The following MEGF11 variants were observed in gnomAD, a reference collection of about 807,000 sequenced individuals.
MEGF11 encodes multiple EGF like domains 11.
Under a neutral mutation model 146.6 loss-of-function variants are expected in MEGF11, and 126 were observed. That is an observed-to-expected ratio of 0.86 (90% CI 0.74 to 1.00). The LOEUF is 1.00. Among genes scored for constraint, MEGF11 ranks in the 50% least tolerant of loss-of-function variants. The probability of loss-of-function intolerance (pLI) is 0.00; values close to 1 mark genes in which losing one functional copy is unlikely to be tolerated. For synonymous variants in MEGF11, 532 were observed against 583.4 expected (o/e 0.91, Z 1.27); for missense variants, 1,509 against 1,521.2 (o/e 0.99, Z 0.13).
intron 1 of MEGF11, among the ~76,000 whole-genome samples, chr15:66,144,063 G>C (rs74021648): frequency 0.034 from 5,187 of 152,196 alleles, 303 homozygotes; most frequent in African/African-American, 0.11. Context: ...ATATAGGGAG[G>C]GGGAGACACT....
intron 12 of MEGF11, among the ~76,000 whole-genome samples, chr15:65,928,868 G>A (rs965941792): frequency 1.3e-5 from 2 of 152,176 alleles, no homozygotes; most frequent in African/African-American, 4.8e-5. Flanking sequence ...AACTAAAACT[G>A]TAAATGAAAG....
intron 10 of MEGF11, among the ~76,000 whole-genome samples, chr15:65,943,559 C>G (rs2080082897): frequency 1.3e-5 from 2 of 152,136 alleles, no homozygotes; most frequent in Non-Finnish European, 2.9e-5. Flanking sequence ...TACATGTGCT[C>G]TGCATGTATG....
In MEGF11 at chr15:65,916,868, G is replaced by A; in HGVS notation, c.2175C>T (p.Cys725=). ...GASCSAEDGA[C]HCTPGWTGLF... Reference sequence around the variant, plus strand: ...GTCCAGTCCAGCCAGGGGTGCAGTGGCAGGCCCCGTCCTCGGCGCTGCAGC... The same window carrying A: ...GTCCAGTCCAGCCAGGGGTGCAGTGACAGGCCCCGTCCTCGGCGCTGCAGC... Residue 725 remains cysteine (C), a synonymous_variant, in exon 17 of 26, where the codon TGC becomes TGT. Transcript: ENST00000395614. The A allele has an allele frequency of 6.3e-7, 1 of 1,596,598 alleles. No homozygotes were observed. The highest frequency in any genetic ancestry group is 2.3e-5 in the East Asian group (1 of 44,030).
intron 21 of MEGF11, among the ~76,000 whole-genome samples, chr15:65,910,424 C>T (rs1029142912): frequency 6.6e-6 from 1 of 152,178 alleles, no homozygotes; most frequent in Non-Finnish European, 1.5e-5. Flanking sequence ...CTCATGAACA[C>T]ACACGAGTCA....
intron 1 of MEGF11, among the ~76,000 whole-genome samples, chr15:66,162,873 T>C (rs950203386): frequency 1.3e-5 from 2 of 152,204 alleles, no homozygotes; most frequent in Admixed American, 6.5e-5. Context: ...AGAAATCTAA[T>C]TGAATTACTT....
At chr15:66,042,085 C>G (rs994771909) in intron 5 of MEGF11, among the ~76,000 whole-genome samples, 1 of 146,550 alleles carries the variant, frequency 6.8e-6, no homozygotes, top group Admixed American at 7.0e-5. Flanking sequence ...GTAGCAGAGA[C>G]AGAATGCACA....
chr15:66,110,537 C>A (rs374176762), intron 4 of MEGF11, among the ~76,000 whole-genome samples: 17 of 152,300 alleles, frequency 1.1e-4, no homozygotes, highest in African/African-American at 3.8e-4. Flanking sequence ...GCATCTCTCC[C>A]GCTAGACCAT....
intron 5 of MEGF11, among the ~76,000 whole-genome samples, chr15:66,007,562 A>C (rs1314536140): frequency 6.6e-6 from 1 of 152,110 alleles, no homozygotes; most frequent in East Asian, 1.9e-4. Context: ...CCAGCCTAGG[A>C]AACATGGAAA....
intron 4 of MEGF11, among the ~76,000 whole-genome samples, chr15:66,107,054 A>ACCCCC (rs35937464): frequency 5.6e-4 from 74 of 132,456 alleles, no homozygotes; most frequent in Admixed American, 2.1e-3. Flanking sequence ...TTATATTCCT[A>ACCCCC]CCCCCCCACC....
At chr15:66,246,399 A>G (rs1364735065) in intron 1 of MEGF11, among the ~76,000 whole-genome samples, 1 of 152,194 alleles carries the variant, frequency 6.6e-6, no homozygotes, top group Non-Finnish European at 1.5e-5. Flanking sequence ...CAGCAACAAA[A>G]GTGAAGAAAC....
intron 1 of MEGF11, among the ~76,000 whole-genome samples, chr15:66,175,622 A>G (rs1277913960): frequency 6.6e-6 from 1 of 152,252 alleles, no homozygotes; most frequent in Non-Finnish European, 1.5e-5. Context: ...ATCCATTTGC[A>G]GAAGAATGAA....
intron 7 of MEGF11, among the ~76,000 whole-genome samples, chr15:65,973,964 A>C (rs139358245): frequency 0.011 from 1,737 of 152,188 alleles, 27 homozygotes; most frequent in African/African-American, 0.039. Flanking sequence ...TACATGCATG[A>C]GTCTTAGGTT....
At position 65,970,585 on chromosome 15, in the gene MEGF11, C is replaced by T. The variant is rs777767406; in HGVS notation, c.867G>A (p.Gln289=). Residue 289 remains glutamine, a synonymous_variant, in exon 8 of 26, where the codon CAG becomes CAA. Coordinates refer to ENST00000395614, the MANE Select transcript of MEGF11 (RefSeq NM_001385028.1). ...CCATGTATCCAGCTGTACAGTGGCA[C>T]TGTCCAGTCACGTGGTCACACTGCC... ...HGGQCDHVTG[Q]CHCTAGYMGD... The T allele has an allele frequency of 6.2e-7, 1 of 1,614,036 alleles. No individual in the cohort carries two copies. Among genetic ancestry groups the T allele is most frequent in the South Asian group, 1.1e-5 (1 of 91,072 alleles).
chr15:66,125,697 T>C (rs1397309454), intron 2 of MEGF11, among the ~76,000 whole-genome samples: 4 of 152,216 alleles, frequency 2.6e-5, no homozygotes, highest in Non-Finnish European at 4.4e-5. Context: ...AAGTGTTTAA[T>C]AGATGTTGAC....
At chr15:66,149,051 G>A (rs2089471091) in intron 1 of MEGF11, among the ~76,000 whole-genome samples, 1 of 152,230 alleles carries the variant, frequency 6.6e-6, no homozygotes, top group Non-Finnish European at 1.5e-5. Flanking sequence ...GGAGTCAAGG[G>A]TCTGCGCCCG....
intron 5 of MEGF11, among the ~76,000 whole-genome samples, chr15:66,077,125 A>G (rs571661259): frequency 5.6e-4 from 86 of 152,230 alleles, no homozygotes; most frequent in Non-Finnish European, 5.4e-4. Flanking sequence ...TGGTGTGAGA[A>G]CACCATGCCA....
chr15:66,083,157 C>T (rs545358922), intron 5 of MEGF11, among the ~76,000 whole-genome samples: 12 of 152,186 alleles, frequency 7.9e-5, no homozygotes, highest in Non-Finnish European at 1.3e-4. Context: ...CAGTGCTGGC[C>T]TGACCTGTAG....
At chr15:65,990,708 GAAGGAAGAAAGA>G (rs1211103408) in intron 5 of MEGF11, among the ~76,000 whole-genome samples, 8 of 100,160 alleles carry the variant, frequency 8.0e-5, no homozygotes, top group African/African-American at 2.6e-4. Context: ...AGAAAGAAAG[GAAGGAAGAAAGA>G]AAGAAAGAAA....
At chr15:66,027,480 G>C (rs1470645886) in intron 5 of MEGF11, among the ~76,000 whole-genome samples, 1 of 152,228 alleles carries the variant, frequency 6.6e-6, no homozygotes, top group African/African-American at 2.4e-5. Flanking sequence ...AACATTTGCT[G>C]AGATAATGGG....
Sources: gnomAD v4.1 joint callset for allele counts (sites outside exome capture counted in the v4.1 genomes callset) on GRCh38, gnomAD v4.1.1 for gene constraint, MANE v1.5 for transcripts, NCBI Gene and HGNC (gene_info 2026-07-23, HGNC 2026-07-21) for gene names.